The following PCDH15 variants were observed in gnomAD, a reference collection of about 807,000 sequenced individuals.
The protein encoded by PCDH15 is protocadherin related 15.
Under a neutral mutation model 178.5 loss-of-function variants are expected in PCDH15, and 129 were observed. That is an observed-to-expected ratio of 0.72 (90% CI 0.63 to 0.84). The LOEUF is 0.84. Ranked by LOEUF, PCDH15 falls within the 40% of genes least tolerant of loss-of-function variation. PCDH15 has a pLI of 0.00. For missense variants in PCDH15, 2,230 were observed against 2,099.9 expected, an observed-to-expected ratio of 1.06 and a Z score of -1.21; for synonymous variants, 800 against 732.0, an observed-to-expected ratio of 1.09 and a Z score of -1.50.
intron 2 of PCDH15, among the ~76,000 whole-genome samples, chr10:55,087,404 T>C (rs1046193233): frequency 1.3e-5 from 2 of 152,144 alleles, no homozygotes; most frequent in Admixed American, 1.3e-4. Flanking sequence ...AACTATGAAA[T>C]GTGAAATGTT....
chr10:54,806,056 G>A (rs59379846), upstream of PCDH15, among the ~76,000 whole-genome samples: 5,755 of 152,086 alleles, frequency 0.038, 310 homozygotes, highest in African/African-American at 0.13. Flanking sequence ...CTAAAGAGAA[G>A]TGCAGATAAT....
At chr10:54,821,309 G>A (rs1183617505) in intron 3 of PCDH15, among the ~76,000 whole-genome samples, 1 of 151,894 alleles carries the variant, frequency 6.6e-6, no homozygotes, top group East Asian at 1.9e-4. Context: ...ACAACCTTAT[G>A]TCAAACCCTG....
chr10:55,448,243 C>T (rs1400061757), intron 2 of PCDH15, among the ~76,000 whole-genome samples: 1 of 151,900 alleles, frequency 6.6e-6, no homozygotes, highest in Admixed American at 6.6e-5. Flanking sequence ...TGTCAGAAAT[C>T]AAACATGGAA....
At chr10:55,453,219 T>G (rs1327422736) in intron 2 of PCDH15, among the ~76,000 whole-genome samples, 2 of 152,130 alleles carry the variant, frequency 1.3e-5, no homozygotes, top group African/African-American at 4.8e-5. Flanking sequence ...AGCTGAATGT[T>G]GGGACATCAC....
At position 54,799,933 on chromosome 10, in the gene PCDH15, C is replaced by T. The variant is rs761540702; in HGVS notation, c.-29+992G>A. 5.9e-5 allele frequency among the ~76,000 whole-genome samples: 9 copies of T among 152,110 alleles called. No individual in the cohort carries two copies. The South Asian group carries it at 6.2e-4, about 10-fold the overall frequency. On this transcript the variant is annotated intron_variant, in intron 1 of 37. Coordinates refer to ENST00000644397, the MANE Select transcript of PCDH15 (RefSeq NM_001384140.1). ...TGTGCAAACCACAGCAAGCATTTTG[C>T]GCTCAAAATATGCCTCTTTTACAGA...
intron 8 of PCDH15, among the ~76,000 whole-genome samples, chr10:54,307,056 A>G (rs1462899658): frequency 5.6e-4 from 5 of 8,912 alleles, no homozygotes; most frequent in African/African-American, 1.3e-3. Flanking sequence ...ATATATATAT[A>G]TATATATATA....
At chr10:54,035,349 C>T (rs540538123) in intron 18 of PCDH15, among the ~76,000 whole-genome samples, 1 of 151,982 alleles carries the variant, frequency 6.6e-6, no homozygotes, top group East Asian at 1.9e-4. Flanking sequence ...TTTCCAACAG[C>T]GTGTGCTCAT....
rs762364718 is a variant in PCDH15, at chr10:54,232,924, C to CTTTTTTTTT, written c.985+3890_985+3898dup. On this transcript the variant is annotated intron_variant, in intron 9 of 37. Transcript: ENST00000644397. ...TCTATTGTGTTGTTTAGCTTTCTTT[C>CTTTTTTTTT]TTTTTTTTTTTTTTTTTTTTTAAAG... Among the ~76,000 whole-genome samples the CTTTTTTTTT allele has an allele frequency of 5.9e-4, 64 of 109,178 alleles. 1 individual carries two copies. The highest frequency in any genetic ancestry group is 1.9e-3 in the African/African-American group (50 of 26,830). The allele number at this position is 109,178 out of a possible 152,430, so 71.6% of individuals were successfully genotyped here.
At chr10:54,589,196 C>G (rs2091714998) in intron 2 of PCDH15, among the ~76,000 whole-genome samples, 1 of 152,146 alleles carries the variant, frequency 6.6e-6, no homozygotes, top group South Asian at 2.1e-4. Context: ...TTCTCTCTAT[C>G]TCATCTCCTA....
intron 1 of PCDH15, among the ~76,000 whole-genome samples, chr10:54,716,468 TC>T (rs944508052): frequency 1.3e-5 from 2 of 152,126 alleles, no homozygotes; most frequent in African/African-American, 4.8e-5. Flanking sequence ...CTTGAAGAGG[TC>T]CTTCGCGTCC....
At chr10:55,073,091 A>C (rs1342803666) in intron 2 of PCDH15, among the ~76,000 whole-genome samples, 4 of 152,144 alleles carry the variant, frequency 2.6e-5, no homozygotes, top group Non-Finnish European at 4.4e-5. Context: ...TATTGATGGG[A>C]CGTATCTCAA....
At chr10:55,454,780 CAAA>C (rs10606669) in intron 2 of PCDH15, among the ~76,000 whole-genome samples, 1,319 of 98,310 alleles carry the variant, frequency 0.013, 20 homozygotes, top group South Asian at 0.099. Flanking sequence ...GACTCTGTCT[CAAA>C]AAAAAAAAAA....
intron 1 of PCDH15, among the ~76,000 whole-genome samples, chr10:55,290,423 A>G (rs1291913820): frequency 1.3e-5 from 2 of 152,134 alleles, no homozygotes; most frequent in Non-Finnish European, 2.9e-5. Flanking sequence ...TATGTTTTGC[A>G]TACTTTAAGT....
intron 18 of PCDH15, among the ~76,000 whole-genome samples, chr10:54,025,834 C>T (rs942490157): frequency 3.9e-5 from 6 of 151,922 alleles, no homozygotes; most frequent in Non-Finnish European, 8.8e-5. Flanking sequence ...GGTGGTCAAG[C>T]CCCTCACATT....
At position 53,821,891 on chromosome 10, in the gene PCDH15, T is replaced by C. The variant is rs745868984; in HGVS notation, c.4368-1661A>G. 3 of 1,613,468 alleles carry C rather than the reference T, an allele frequency of 1.9e-6. No individual in the cohort carries two copies. The highest frequency in any genetic ancestry group is 1.1e-5 in the South Asian group (1 of 91,056). ...AAGTAGATTGACTGTGAGATTGTTTTTCAGTTCCCTCGACAATATTGTTCA... is the reference window on the plus strand; with the variant it reads ...AAGTAGATTGACTGTGAGATTGTTTCTCAGTTCCCTCGACAATATTGTTCA... On this transcript the variant is annotated intron_variant, in intron 32 of 37. Coordinates refer to ENST00000644397, the MANE Select transcript of PCDH15 (RefSeq NM_001384140.1).
At chr10:54,268,802 G>T (rs982672814) in intron 8 of PCDH15, among the ~76,000 whole-genome samples, 5 of 151,792 alleles carry the variant, frequency 3.3e-5, no homozygotes, top group African/African-American at 1.2e-4. Flanking sequence ...GAACAATTTT[G>T]TCTGGTGGTT....
intron 3 of PCDH15, among the ~76,000 whole-genome samples, chr10:54,412,303 A>G (rs371043925): frequency 2.6e-5 from 4 of 151,262 alleles, no homozygotes; most frequent in East Asian, 1.9e-4. Context: ...AACAGAAGTT[A>G]CTAAAGGAAC....
intron 3 of PCDH15, among the ~76,000 whole-genome samples, chr10:54,407,449 TATC>T (rs959749105): frequency 1.3e-5 from 2 of 152,178 alleles, no homozygotes; most frequent in East Asian, 1.9e-4. Context: ...AGTCTAATAT[TATC>T]ATTTTTTAAT....
intron 2 of PCDH15, among the ~76,000 whole-genome samples, chr10:54,578,602 C>A (rs1475302842): frequency 1.3e-5 from 2 of 151,986 alleles, no homozygotes; most frequent in East Asian, 1.9e-4. Context: ...GTTTTATGGT[C>A]AGAATGACAA....
Sources: gnomAD v4.1 joint callset for allele counts (sites outside exome capture counted in the v4.1 genomes callset) on GRCh38, gnomAD v4.1.1 for gene constraint, MANE v1.5 for transcripts, NCBI Gene and HGNC (gene_info 2026-07-23, HGNC 2026-07-21) for gene names.